MAF: variants seen among roughly 807,000 people sequenced by gnomAD.
MAF encodes transcription factor Maf.
Under a neutral mutation model 22.0 loss-of-function variants are expected in MAF, and 10 were observed. The observed-to-expected ratio is 0.45, with a 90% CI of 0.28 to 0.77. The LOEUF is 0.77. Among genes scored for constraint, MAF ranks in the 30% least tolerant of loss-of-function variants. MAF has a pLI of 0.12. For missense variants in MAF, 544 were observed against 548.4 expected (o/e 0.99, Z 0.08); for synonymous variants, 337 against 255.8 (o/e 1.32, Z -3.03).
At chr16:79,390,061 T>C in the MAF span, among the ~76,000 whole-genome samples, 1 of 150,170 alleles carries the variant, frequency 6.7e-6, no homozygotes, top group Admixed American at 6.6e-5. Context: ...AATCTTCACA[T>C]GGCATGTGTG....
chr16:79,503,220 C>T, the MAF span, among the ~76,000 whole-genome samples: 1 of 152,094 alleles, frequency 6.6e-6, no homozygotes, highest in Admixed American at 6.6e-5. Flanking sequence ...TCAACAACCA[C>T]CTTGTTTCTA....
chr16:79,401,507 G>A, the MAF span, among the ~76,000 whole-genome samples: 4 of 152,186 alleles, frequency 2.6e-5, no homozygotes, highest in East Asian at 5.8e-4. Context: ...ATATTTTATT[G>A]GAGCAGGGAG....
At chr16:79,596,016 A>T in intron 1 of MAF, 1 of 1,060,768 alleles carries the variant, frequency 9.4e-7, no homozygotes, top group Non-Finnish European at 1.1e-6. Flanking sequence ...GGTGTGTAAG[A>T]GAAGAAGGAA....
At chr16:79,585,478 AG>A (rs1195809075), downstream of MAF, among the ~76,000 whole-genome samples, 5 of 152,348 alleles carry the variant, frequency 3.3e-5, no homozygotes, top group African/African-American at 1.2e-4. Context: ...GATGGATACT[AG>A]TTTCACAGAT....
the MAF span, among the ~76,000 whole-genome samples, chr16:79,379,561 G>C: frequency 1.3e-5 from 2 of 152,140 alleles, no homozygotes; most frequent in African/African-American, 4.8e-5. Context: ...AATATAAGCA[G>C]ACTAGCTCAA....
At chr16:79,417,967 C>T in the MAF span, among the ~76,000 whole-genome samples, 1 of 152,090 alleles carries the variant, frequency 6.6e-6, no homozygotes, top group African/African-American at 2.4e-5. Flanking sequence ...CCCCGACTGG[C>T]CTATGTGTGA....
the MAF span, among the ~76,000 whole-genome samples, chr16:79,444,942 G>C: frequency 6.6e-6 from 1 of 152,160 alleles, no homozygotes; most frequent in Non-Finnish European, 1.5e-5. Context: ...CAGAAAGCCT[G>C]CTACGTGTAT....
chr16:79,234,582 T>A, the MAF span, among the ~76,000 whole-genome samples: 1 of 152,092 alleles, frequency 6.6e-6, no homozygotes, highest in Admixed American at 6.6e-5. Flanking sequence ...TTTGCAAAAG[T>A]CGGCTTCAGG....
chr16:79,386,633 A>G, the MAF span, among the ~76,000 whole-genome samples: 6 of 152,118 alleles, frequency 3.9e-5, no homozygotes, highest in African/African-American at 1.4e-4. Context: ...CACATATATC[A>G]TTTATAATAT....
chr16:79,292,751 G>C, the MAF span, among the ~76,000 whole-genome samples: 40 of 152,256 alleles, frequency 2.6e-4, no homozygotes, highest in Middle Eastern at 0.01. Context: ...ACAAGATGCA[G>C]TAAAGAAGCC....
At chr16:79,509,280 C>T in the MAF span, among the ~76,000 whole-genome samples, 1 of 152,188 alleles carries the variant, frequency 6.6e-6, no homozygotes, top group African/African-American at 2.4e-5. Context: ...CCATGCTGGT[C>T]TCTAACAAAG....
the MAF span, among the ~76,000 whole-genome samples, chr16:79,317,296 CCCT>C: frequency 1.4e-5 from 2 of 144,206 alleles, no homozygotes; most frequent in East Asian, 4.3e-4. Context: ...TTCCTTTTCT[CCCT>C]CCTTCCTTCA....
chr16:79,441,261 G>A, the MAF span, among the ~76,000 whole-genome samples: 263 of 152,244 alleles, frequency 1.7e-3, no homozygotes, highest in African/African-American at 6.1e-3. Flanking sequence ...TAAATGTTAC[G>A]ACACATTTTC....
At chr16:79,511,815 C>G in the MAF span, among the ~76,000 whole-genome samples, 1 of 152,318 alleles carries the variant, frequency 6.6e-6, no homozygotes, top group African/African-American at 2.4e-5. Flanking sequence ...CACACTAGAA[C>G]CAACATTGGA....
the MAF span, among the ~76,000 whole-genome samples, chr16:79,535,550 A>G: frequency 4.0e-5 from 6 of 151,358 alleles, no homozygotes; most frequent in Non-Finnish European, 8.8e-5. Context: ...TGCATTATTC[A>G]TAAAGGACTG....
At chr16:79,481,134 G>C in the MAF span, among the ~76,000 whole-genome samples, 5 of 152,092 alleles carry the variant, frequency 3.3e-5, no homozygotes, top group Admixed American at 2.6e-4. Context: ...CAGCCCATGT[G>C]TTGCTTGGCC....
At chr16:79,471,940 G>C in the MAF span, among the ~76,000 whole-genome samples, 2 of 152,198 alleles carry the variant, frequency 1.3e-5, no homozygotes, top group Admixed American at 1.3e-4. Flanking sequence ...GCTAAGTGCA[G>C]ACATGCTTTC....
chr16:79,288,254 C>T, the MAF span, among the ~76,000 whole-genome samples: 5 of 152,184 alleles, frequency 3.3e-5, no homozygotes, highest in African/African-American at 9.7e-5. Flanking sequence ...CCTGGGCTGA[C>T]CTGCTTTGAC....
the MAF span, among the ~76,000 whole-genome samples, chr16:79,258,407 G>C: frequency 6.6e-6 from 1 of 152,162 alleles, no homozygotes; most frequent in African/African-American, 2.4e-5. Context: ...GCGGACATGG[G>C]CTGACAAATG....
Sources: allele counts gnomAD v4.1 joint callset (sites outside exome capture counted in the v4.1 genomes callset), GRCh38; gene constraint gnomAD v4.1.1; transcripts MANE v1.5; gene names NCBI Gene and HGNC (gene_info 2026-07-23, HGNC 2026-07-21).